MAGI2: variants seen among roughly 807,000 people sequenced by gnomAD.
The protein encoded by MAGI2 is membrane associated guanylate kinase, WW and PDZ domain containing 2.
In MAGI2, 35 loss-of-function variants were observed where a neutral mutation model predicts 133.3. That is an observed-to-expected ratio of 0.26 (90% CI 0.20 to 0.35). MAGI2 has a LOEUF of 0.35. MAGI2 is among the 10% of genes least tolerant of loss of function. MAGI2 has a pLI of 1.00. For missense variants in MAGI2, 1,636 were observed against 1,863.4 expected (o/e 0.88, Z 2.25); for synonymous variants, 729 against 710.6 (o/e 1.03, Z -0.41).
At chr7:78,163,314 T>C (rs908335230) in intron 15 of MAGI2, among the ~76,000 whole-genome samples, 1 of 152,126 alleles carries the variant, frequency 6.6e-6, no homozygotes, top group African/African-American at 2.4e-5. Context: ...ATTTGTTTTG[T>C]ACTTTTAGTA....
chr7:78,133,259 AC>A (rs2150531993), intron 17 of MAGI2, among the ~76,000 whole-genome samples, 199 bp from the exon 18 acceptor site: 1 of 152,326 alleles, frequency 6.6e-6, no homozygotes, highest in African/African-American at 2.4e-5. Context: ...ATTAATGATC[AC>A]TGCAGAACAA....
At chr7:79,433,478 G>A (rs372050033) in intron 1 of MAGI2, among the ~76,000 whole-genome samples, 4 of 152,124 alleles carry the variant, frequency 2.6e-5, no homozygotes, top group African/African-American at 4.8e-5. Context: ...GCGTGCACCC[G>A]GGAGGCGGAG....
At chr7:78,213,604 C>T (rs114793233) in intron 10 of MAGI2, among the ~76,000 whole-genome samples, 1 of 152,170 alleles carries the variant, frequency 6.6e-6, no homozygotes, top group Non-Finnish European at 1.5e-5. Flanking sequence ...GTAAACAGAC[C>T]ATAACCTGCT....
At chr7:78,280,371 G>A (rs1330207093) in intron 9 of MAGI2, among the ~76,000 whole-genome samples, 1 of 152,126 alleles carries the variant, frequency 6.6e-6, no homozygotes, top group African/African-American at 2.4e-5. Flanking sequence ...AGCCAGGAAA[G>A]GACAGGAAAG....
chr7:78,544,545 T>C (rs1584568506), intron 3 of MAGI2, among the ~76,000 whole-genome samples: 1 of 152,160 alleles, frequency 6.6e-6, no homozygotes, highest in East Asian at 1.9e-4. Context: ...CAGATCTTAG[T>C]GGGAAATGCT....
intron 1 of MAGI2, among the ~76,000 whole-genome samples, chr7:79,363,376 A>T (rs1245926775): frequency 6.7e-6 from 1 of 148,388 alleles, no homozygotes; most frequent in Admixed American, 6.6e-5. Flanking sequence ...CTGTTCGTGT[A>T]TTGGAAGACT....
chr7:78,607,130 C>T (rs1805901678), intron 3 of MAGI2, among the ~76,000 whole-genome samples: 1 of 152,106 alleles, frequency 6.6e-6, no homozygotes, highest in Non-Finnish European at 1.5e-5. Context: ...TGTTTGGCCG[C>T]CAAACATCTT....
chr7:78,135,309 C>T (rs1268919737), intron 16 of MAGI2, 103 bp from the exon 17 acceptor site: 8 of 982,108 alleles, frequency 8.1e-6, no homozygotes, highest in South Asian at 3.1e-5. Flanking sequence ...TTCCTTCCTT[C>T]GTCAGTGTAT....
intron 6 of MAGI2, among the ~76,000 whole-genome samples, chr7:78,445,344 T>G (rs2151469007): frequency 6.6e-6 from 1 of 152,220 alleles, no homozygotes; most frequent in African/African-American, 2.4e-5. Flanking sequence ...AACGAACGAT[T>G]ATAACTATGG....
chr7:78,788,838 A>G (rs1429117091), intron 2 of MAGI2, among the ~76,000 whole-genome samples: 1 of 152,134 alleles, frequency 6.6e-6, no homozygotes, highest in African/African-American at 2.4e-5. Context: ...CAATGATTTA[A>G]GTTTTAAAGA....
At chr7:79,100,922 C>A (rs924495891) in intron 1 of MAGI2, among the ~76,000 whole-genome samples, 4 of 151,858 alleles carry the variant, frequency 2.6e-5, no homozygotes, top group African/African-American at 7.2e-5. Context: ...TAACACTTTT[C>A]CAATGCCTCA....
At chr7:78,761,957 T>C (rs1563470074) in intron 2 of MAGI2, among the ~76,000 whole-genome samples, 1 of 151,952 alleles carries the variant, frequency 6.6e-6, no homozygotes, top group Non-Finnish European at 1.5e-5. Flanking sequence ...CCACATGAAT[T>C]TGGGCAAAAA....
At chr7:78,626,484 A>T (rs1201792730) in intron 3 of MAGI2, among the ~76,000 whole-genome samples, 1 of 152,160 alleles carries the variant, frequency 6.6e-6, no homozygotes, top group African/African-American at 2.4e-5. Flanking sequence ...TTTGAAACAG[A>T]GATTTTGGCT....
chr7:79,128,864 C>T (rs1383949051), intron 1 of MAGI2, among the ~76,000 whole-genome samples: 2 of 152,130 alleles, frequency 1.3e-5, no homozygotes, highest in Non-Finnish European at 2.9e-5. Flanking sequence ...AACACCATAG[C>T]TTAGCCTAGG....
intron 2 of MAGI2, among the ~76,000 whole-genome samples, chr7:79,005,414 C>T (rs1162491011): frequency 6.6e-6 from 1 of 152,130 alleles, no homozygotes; most frequent in African/African-American, 2.4e-5. Flanking sequence ...TCATATAAGT[C>T]TAGCTGTTTT....
chr7:78,384,512 T>A (rs1047949708), intron 6 of MAGI2, among the ~76,000 whole-genome samples: 3 of 152,226 alleles, frequency 2.0e-5, no homozygotes, highest in Admixed American at 2.0e-4. Context: ...GTCATAGGCA[T>A]AATTCATCAC....
At chr7:79,448,453 T>A (rs1190785766) in intron 1 of MAGI2, among the ~76,000 whole-genome samples, 1 of 152,070 alleles carries the variant, frequency 6.6e-6, no homozygotes, top group East Asian at 1.9e-4. Flanking sequence ...TGCAATAGCA[T>A]TTACTAAAAT....
chr7:79,115,013 A>C (rs1170293419), intron 1 of MAGI2, among the ~76,000 whole-genome samples: 1 of 152,180 alleles, frequency 6.6e-6, no homozygotes, highest in Non-Finnish European at 1.5e-5. Flanking sequence ...CAAAGCACTT[A>C]ACTATGTAAA....
At chr7:78,157,183 A>G (rs139280603) in intron 16 of MAGI2, among the ~76,000 whole-genome samples, 516 of 152,372 alleles carry the variant, frequency 3.4e-3, no homozygotes, top group African/African-American at 0.012. Flanking sequence ...GCAACGTGCC[A>G]TCAGTGAGTA....
Sources: gnomAD v4.1 joint callset for allele counts (sites outside exome capture counted in the v4.1 genomes callset) on GRCh38, gnomAD v4.1.1 for gene constraint, MANE v1.5 for transcripts, NCBI Gene and HGNC (gene_info 2026-07-23, HGNC 2026-07-21) for gene names.